Variants in B3GLCT observed in about 807,000 individuals in gnomAD.
B3GLCT encodes the protein beta-1,3-glucosyltransferase.
In B3GLCT, 65 loss-of-function variants were observed where a neutral mutation model predicts 63.4. That is an observed-to-expected ratio of 1.03 (90% confidence interval 0.84 to 1.26). The LOEUF (loss-of-function observed/expected upper bound fraction) is 1.26, where lower values mean the gene tolerates loss of function less well. Ranked by LOEUF, B3GLCT falls within the 50% of genes most tolerant of loss-of-function variation. The pLI is 0.00. For missense variants in B3GLCT, 577 were observed against 604.8 expected, an observed-to-expected ratio of 0.95 and a Z score of 0.48; for synonymous variants, 233 against 219.2, an observed-to-expected ratio of 1.06 and a Z score of -0.55.
chr13:31,267,574 A>G (rs986350152), intron 7 of B3GLCT, among the ~76,000 whole-genome samples: 13 of 152,246 alleles, frequency 8.5e-5, no homozygotes, highest in Non-Finnish European at 1.9e-4. Flanking sequence ...TTATACTCAC[A>G]GATCTGTGGG....
intron 7 of B3GLCT, among the ~76,000 whole-genome samples, chr13:31,265,956 T>C (rs1304636240): frequency 1.3e-5 from 2 of 151,984 alleles, no homozygotes; most frequent in African/African-American, 4.8e-5. Context: ...ATCTGTAGCC[T>C]AGGTGGTTGT....
intron 12 of B3GLCT, among the ~76,000 whole-genome samples, chr13:31,313,848 G>A (rs1034392269): frequency 6.6e-6 from 1 of 152,102 alleles, no homozygotes; most frequent in Non-Finnish European, 1.5e-5. Context: ...AGGCCCAGAG[G>A]CCCAGGAGGA....
intron 2 of B3GLCT, among the ~76,000 whole-genome samples, chr13:31,218,182 G>T (rs1869645880): frequency 1.4e-5 from 2 of 145,656 alleles, no homozygotes; most frequent in Non-Finnish European, 3.0e-5. Context: ...TTCTTTTTGT[G>T]GCTACTTTTT....
At chr13:31,205,922 C>CATTTCCTTA (rs1868926919) in intron 1 of B3GLCT, among the ~76,000 whole-genome samples, 1 of 152,170 alleles carries the variant, frequency 6.6e-6, no homozygotes, top group Non-Finnish European at 1.5e-5. Flanking sequence ...TTAAGTATAG[C>CATTTCCTTA]AGTGCCATTT....
chr13:31,230,329 C>T (rs1035928689), intron 4 of B3GLCT, among the ~76,000 whole-genome samples: 5 of 152,156 alleles, frequency 3.3e-5, no homozygotes, highest in African/African-American at 7.2e-5. Flanking sequence ...TTGTGATGTC[C>T]TTCAAGACCG....
At chr13:31,280,183 A>G (rs553026254) in intron 10 of B3GLCT, among the ~76,000 whole-genome samples, 6 of 152,372 alleles carry the variant, frequency 3.9e-5, no homozygotes, top group African/African-American at 1.4e-4. Flanking sequence ...ATAGGAAATC[A>G]CAAGAGTATT....
At position 31,331,381 on chromosome 13, in the gene B3GLCT, T is replaced by G. The variant is rs1176775518; in HGVS notation, c.*1713T>G. On this transcript the variant is annotated 3_prime_UTR_variant, in exon 15 of 15. Transcript: ENST00000343307. ...AGCTGGCATCCGTATATGAAGATCC[T>G]TGTCAAGCTTTCTTCTGTGGTCTGA... is the stretch of plus-strand genomic sequence containing the variant. 1 of 138,640 alleles carries G rather than the reference T, an allele frequency of 7.2e-6. No homozygotes were observed. Among genetic ancestry groups the G allele is most frequent in the Non-Finnish European group, 1.6e-5 (1 of 62,264 alleles). The allele number at this position is 138,640 out of a possible 1,614,324, so 8.6% of individuals were successfully genotyped here.
chr13:31,294,490 T>C (rs1483467909), intron 12 of B3GLCT, among the ~76,000 whole-genome samples: 1 of 152,258 alleles, frequency 6.6e-6, no homozygotes, highest in African/African-American at 2.4e-5. Flanking sequence ...CCCATATTTC[T>C]TGGAGGCTTT....
chr13:31,304,496 A>G (rs1317131735), intron 12 of B3GLCT, among the ~76,000 whole-genome samples: 1 of 78,728 alleles, frequency 1.3e-5, no homozygotes, highest in Non-Finnish European at 2.5e-5. Context: ...TACCAAGCCA[A>G]TGGAAAACAA....
At chr13:31,328,572 A>C (rs1875750026) in intron 14 of B3GLCT, among the ~76,000 whole-genome samples, 1 of 151,760 alleles carries the variant, frequency 6.6e-6, no homozygotes, top group Non-Finnish European at 1.5e-5. Flanking sequence ...GCATGCCTGT[A>C]ATCCCAGCTA....
chr13:31,283,414 C>T (rs1873164357), intron 10 of B3GLCT: 1 of 152,150 alleles, frequency 6.6e-6, no homozygotes, highest in African/African-American at 2.4e-5. Flanking sequence ...AATTTTTTAA[C>T]ATTTCTTTTT....
chr13:31,285,278 G>A (rs1873264192), intron 11 of B3GLCT, among the ~76,000 whole-genome samples: 1 of 151,952 alleles, frequency 6.6e-6, no homozygotes, highest in African/African-American at 2.4e-5. Context: ...GACATACAGA[G>A]TGGAATGGTA....
chr13:31,290,687 G>GT (rs1873611218), intron 12 of B3GLCT, among the ~76,000 whole-genome samples: 1 of 152,062 alleles, frequency 6.6e-6, no homozygotes, highest in Non-Finnish European at 1.5e-5. Flanking sequence ...CATATCCTTT[G>GT]TCCACTTTTT....
At chr13:31,304,186 A>C (rs1593309613) in intron 12 of B3GLCT, among the ~76,000 whole-genome samples, 2 of 77,682 alleles carry the variant, frequency 2.6e-5, no homozygotes, top group South Asian at 1.0e-3. Context: ...AGCGCTAAAC[A>C]TGGAAAGGAA....
At chr13:31,224,047 G>C (rs1276038151) in intron 3 of B3GLCT, among the ~76,000 whole-genome samples, 1 of 152,176 alleles carries the variant, frequency 6.6e-6, no homozygotes, top group Non-Finnish European at 1.5e-5. Context: ...TCCTGGGCCT[G>C]GGTTCTGAGG....
At chr13:31,289,529 A>G (rs1486111024) in intron 12 of B3GLCT, among the ~76,000 whole-genome samples, 1 of 152,214 alleles carries the variant, frequency 6.6e-6, no homozygotes, top group East Asian at 1.9e-4. Flanking sequence ...AAAAGCATCA[A>G]GTCATGTATA....
At chr13:31,297,341 T>A (rs1333400934) in intron 12 of B3GLCT, among the ~76,000 whole-genome samples, 4 of 151,846 alleles carry the variant, frequency 2.6e-5, no homozygotes, top group Non-Finnish European at 5.9e-5. Flanking sequence ...GTTTCCAGTT[T>A]CTCCACATCC....
At chr13:31,268,725 G>C (rs923882174) in intron 7 of B3GLCT, among the ~76,000 whole-genome samples, 2 of 152,126 alleles carry the variant, frequency 1.3e-5, no homozygotes, top group African/African-American at 4.8e-5. Context: ...GCTTTATTCT[G>C]TATGGGAAAG....
At chr13:31,245,260 G>A (rs1054305478) in intron 4 of B3GLCT, among the ~76,000 whole-genome samples, 1 of 151,912 alleles carries the variant, frequency 6.6e-6, no homozygotes, top group African/African-American at 2.4e-5. Flanking sequence ...TTACCGTCAA[G>A]GTATCAAAGG....
Sources: allele counts gnomAD v4.1 joint callset (sites outside exome capture counted in the v4.1 genomes callset), GRCh38; gene constraint gnomAD v4.1.1; transcripts MANE v1.5; gene names NCBI Gene and HGNC (gene_info 2026-07-23, HGNC 2026-07-21).